The following ZFHX3 variants were observed in gnomAD, a reference collection of about 807,000 sequenced individuals.
ZFHX3 encodes the protein zinc finger homeobox 3.
A neutral mutation model predicts 279.1 loss-of-function variants in ZFHX3; 42 were observed. That is an observed-to-expected ratio of 0.15 (90% CI 0.12 to 0.19). ZFHX3 has a LOEUF of 0.19. ZFHX3 is among the 10% of genes least tolerant of loss of function. ZFHX3 has a pLI of 1.00. For synonymous variants in ZFHX3, 2,293 were observed against 1,957.8 expected (o/e 1.17, Z -4.52); for missense variants, 4,981 against 4,754.0 (o/e 1.05, Z -1.40).
intron 1 of ZFHX3, among the ~76,000 whole-genome samples, chr16:73,821,911 G>C (rs906772510): frequency 6.6e-6 from 1 of 152,148 alleles, no homozygotes; most frequent in Non-Finnish European, 1.5e-5. Flanking sequence ...CTAACAGCAT[G>C]TTAGAACGGT....
At chr16:73,155,440 A>G (rs1465407161) in intron 5 of ZFHX3, among the ~76,000 whole-genome samples, 1 of 152,182 alleles carries the variant, frequency 6.6e-6, no homozygotes, top group Non-Finnish European at 1.5e-5. Flanking sequence ...CCAATCCCTC[A>G]GCTTTCCATG....
intron 4 of ZFHX3, among the ~76,000 whole-genome samples, chr16:72,885,179 A>G: frequency 6.6e-6 from 1 of 152,220 alleles, no homozygotes; most frequent in East Asian, 1.9e-4. Flanking sequence ...AAGACAATTT[A>G]CCACAGGACT....
chr16:73,659,185 G>C (rs1008416701), intron 2 of ZFHX3, among the ~76,000 whole-genome samples: 1 of 152,200 alleles, frequency 6.6e-6, no homozygotes, highest in African/African-American at 2.4e-5. Context: ...AGACACAGAA[G>C]GGTGACAGGA....
At chr16:73,531,250 T>C (rs1229134292) in intron 2 of ZFHX3, among the ~76,000 whole-genome samples, 1 of 152,236 alleles carries the variant, frequency 6.6e-6, no homozygotes, top group Non-Finnish European at 1.5e-5. Flanking sequence ...GTGCTCAGTA[T>C]GTCCAGATGA....
At chr16:73,862,507 A>C (rs555357720) in intron 1 of ZFHX3, among the ~76,000 whole-genome samples, 2 of 152,300 alleles carry the variant, frequency 1.3e-5, no homozygotes, top group African/African-American at 4.8e-5. Context: ...GGTTGCTGTG[A>C]CTCACGTCTA....
chr16:73,303,120 C>A (rs1464049590), intron 4 of ZFHX3, among the ~76,000 whole-genome samples: 1 of 151,944 alleles, frequency 6.6e-6, no homozygotes, highest in Non-Finnish European at 1.5e-5. Flanking sequence ...CCTTAAACTC[C>A]TGGGCTCAAG....
intron 1 of ZFHX3, among the ~76,000 whole-genome samples, chr16:73,765,077 G>A (rs140122119): frequency 9.5e-4 from 145 of 152,044 alleles, no homozygotes; most frequent in African/African-American, 3.4e-3. Flanking sequence ...TCTGCCTTTC[G>A]TTTCCTTCTC....
At chr16:73,110,001 G>A (rs761833977) in intron 7 of ZFHX3, among the ~76,000 whole-genome samples, 28 of 152,196 alleles carry the variant, frequency 1.8e-4, no homozygotes, top group African/African-American at 4.1e-4. Flanking sequence ...AGCACTTTGG[G>A]AGGCTGAGGC....
chr16:73,489,223 CT>C (rs1198079990), intron 2 of ZFHX3, among the ~76,000 whole-genome samples: 1 of 152,138 alleles, frequency 6.6e-6, no homozygotes, highest in Non-Finnish European at 1.5e-5. Context: ...CTATACTTTC[CT>C]TATGTTTGGC....
At chr16:73,170,324 G>A (rs1364944653) in intron 5 of ZFHX3, among the ~76,000 whole-genome samples, 1 of 132,218 alleles carries the variant, frequency 7.6e-6, no homozygotes, top group African/African-American at 2.8e-5. Context: ...TCCACCTCCC[G>A]GGTTCAAACG....
chr16:72,957,984 C>T lies in ZFHX3; in HGVS notation c.2162G>A (p.Cys721Tyr). 6.2e-7 allele frequency: 1 copy of T among 1,614,054 alleles called. No individual in the cohort carries two copies. The highest frequency in any genetic ancestry group is 8.5e-7 in the Non-Finnish European group (1 of 1,180,040). The change falls in exon 2 of 10, where the codon TGT (cysteine) becomes TAT (tyrosine). Residue 721 changes from cysteine (C) to tyrosine (Y), a missense_variant. Cys to Tyr is a radical substitution (Grantham distance 194, BLOSUM62 -2). Coordinates refer to ENST00000268489, the MANE Select transcript of ZFHX3 (RefSeq NM_006885.4). Reference protein sequence around the residue: ...PRLARGESYTCGYKPFRCEVC... With the variant: ...PRLARGESYTYGYKPFRCEVC... ...CTCGCAGCGGAAAGGCTTGTAACCA[C>T]ACGTGTAGCTCTCGCCTCGTGCCAG...
Position 72,794,430 on chromosome 16 carries a change from A to G in ZFHX3, c.8252T>C (p.Leu2751Pro). Residue 2751 changes from leucine to proline, a missense_variant, in exon 9 of 10, where the codon CTC (leucine) becomes CCC (proline). Around this residue, in one of 7 missense-constraint regions of ZFHX3, gnomAD observed 744 missense variants for 701.3 expected, o/e 1.06. Coordinates refer to ENST00000268489, the MANE Select transcript of ZFHX3 (RefSeq NM_006885.4). This position sits in a 1 kb window ranked among gnomAD's most constrained non-coding sequence, Gnocchi z 4.2. Reference sequence around the variant, plus strand: ...CTGGAGTCCCCCATCACAGTCTAAGAGCATCGCAGACAGAGTTAGGTTGTA... The same window carrying G: ...CTGGAGTCCCCCATCACAGTCTAAGGGCATCGCAGACAGAGTTAGGTTGTA... ...AGYNLTLSAM[L>P]LDCDGGLQMK... is the part of the protein sequence containing the mutation. The G allele has an allele frequency of 6.2e-7, 1 of 1,613,654 alleles. No individual in the cohort carries two copies. The highest frequency in any genetic ancestry group is 8.5e-7 in the Non-Finnish European group (1 of 1,179,808).
At position 72,787,770 on chromosome 16, in the gene ZFHX3, A is replaced by C. The variant is rs1433016987; in HGVS notation, c.10506T>G (p.Leu3502=). Residue 3502 remains leucine, a synonymous_variant, in exon 10 of 10, where the codon CTT becomes CTG. Transcript: ENST00000268489. ...QSVVNLQEMV[L]HVPTGGGGGG... is the part of the protein sequence containing the mutation. ...CGCCGCCGCCGCCGGTGGGGACGTG[A>C]AGCACCATCTCTTGCAGGTTCACCA... The C allele has an allele frequency of 1.4e-6, 2 of 1,470,898 alleles. No individual in the cohort carries two copies. The highest frequency in any genetic ancestry group is 1.8e-6 in the Non-Finnish European group (2 of 1,108,264). 91.1% of individuals were successfully genotyped at this position (1,470,898 alleles called of 1,614,324 possible).
intron 3 of ZFHX3, among the ~76,000 whole-genome samples, chr16:73,371,994 A>G (rs1164602311): frequency 2.0e-5 from 3 of 152,178 alleles, no homozygotes; most frequent in Non-Finnish European, 4.4e-5. Flanking sequence ...TGTCACGCGA[A>G]TTTTTCTACT....
At chr16:73,821,513 G>A (rs1960740140) in intron 1 of ZFHX3, among the ~76,000 whole-genome samples, 1 of 152,194 alleles carries the variant, frequency 6.6e-6, no homozygotes, top group African/African-American at 2.4e-5. Flanking sequence ...GTTCTCAGCT[G>A]TAAACTGGGA....
At chr16:73,600,478 C>T (rs998449568) in intron 2 of ZFHX3, among the ~76,000 whole-genome samples, 3 of 146,424 alleles carry the variant, frequency 2.0e-5, no homozygotes, top group Non-Finnish European at 4.4e-5. Flanking sequence ...AGTGCAGTGG[C>T]GCAATCTCCA....
intron 3 of ZFHX3, among the ~76,000 whole-genome samples, chr16:73,428,373 C>G (rs1385816403): frequency 1.3e-5 from 2 of 152,128 alleles, no homozygotes; most frequent in African/African-American, 4.8e-5. Context: ...ATTCTGGCAG[C>G]CTGCATCGGT....
At chr16:73,201,241 T>C (rs545088253) in intron 5 of ZFHX3, among the ~76,000 whole-genome samples, 1 of 152,306 alleles carries the variant, frequency 6.6e-6, no homozygotes, top group East Asian at 1.9e-4. Context: ...GATGTGAGTT[T>C]GGGCTGCCAG....
intron 2 of ZFHX3, among the ~76,000 whole-genome samples, chr16:73,647,489 G>A (rs2142162196): frequency 6.6e-6 from 1 of 152,144 alleles, no homozygotes; most frequent in South Asian, 2.1e-4. Context: ...CTCTCCTACT[G>A]CCATCTTAAG....
Sources: gnomAD v4.1 joint callset for allele counts (sites outside exome capture counted in the v4.1 genomes callset) on GRCh38, gnomAD v4.1.1 for gene constraint, gnomAD v4.1.1 regional missense constraint, Gnocchi (gnomAD v3.1) non-coding constraint, MANE v1.5 for transcripts, NCBI Gene and HGNC (gene_info 2026-07-23, HGNC 2026-07-21) for gene names.